FOXP2: variants seen among roughly 807,000 people sequenced by gnomAD.
FOXP2 encodes forkhead box protein P2.
A neutral mutation model predicts 115.8 loss-of-function variants in FOXP2; 12 were observed. That is an observed-to-expected ratio of 0.10 (90% CI 0.07 to 0.17). The LOEUF is 0.17. Among genes scored for constraint, FOXP2 ranks in the 10% least tolerant of loss-of-function variants. The pLI, the probability that FOXP2 is intolerant of heterozygous loss-of-function variation, is 1.00. For synonymous variants in FOXP2, 328 were observed against 297.7 expected (o/e 1.10, Z -1.05); for missense variants, 629 against 843.5 (o/e 0.75, Z 3.15).
intron 1 of FOXP2, among the ~76,000 whole-genome samples, chr7:114,121,852 T>C (rs1791576267): frequency 1.3e-5 from 2 of 152,132 alleles, no homozygotes; most frequent in African/African-American, 4.8e-5. Context: ...AATAGGTACA[T>C]GTTATTCAGA....
intron 3 of FOXP2, among the ~76,000 whole-genome samples, chr7:114,589,851 G>A (rs1460533000): frequency 6.6e-6 from 1 of 151,948 alleles, no homozygotes; most frequent in Non-Finnish European, 1.5e-5. Flanking sequence ...GTCAACTTAG[G>A]CCCTTCCATC....
chr7:114,291,655 C>A (rs976774758), intron 2 of FOXP2, among the ~76,000 whole-genome samples: 2 of 151,156 alleles, frequency 1.3e-5, no homozygotes, highest in Non-Finnish European at 2.9e-5. Flanking sequence ...TCCAAACTCA[C>A]GGGTTTTTGG....
At chr7:114,540,710 A>C (rs1799614546) in intron 3 of FOXP2, among the ~76,000 whole-genome samples, 1 of 152,122 alleles carries the variant, frequency 6.6e-6, no homozygotes, top group Non-Finnish European at 1.5e-5. Context: ...GTTGGGCTTA[A>C]AGAAAAGGAA....
At chr7:114,405,384 A>G (rs576828857) in intron 2 of FOXP2, among the ~76,000 whole-genome samples, 45 of 152,068 alleles carry the variant, frequency 3.0e-4, no homozygotes, top group African/African-American at 1.1e-3. Context: ...GAGTAAAACA[A>G]ATAGTAATAT....
chr7:114,363,319 G>A (rs1354312666), intron 2 of FOXP2, among the ~76,000 whole-genome samples: 1 of 152,036 alleles, frequency 6.6e-6, no homozygotes, highest in African/African-American at 2.4e-5. Flanking sequence ...AATTCTTATG[G>A]AAGCTCAGGG....
chr7:114,582,937 A>G (rs932072498), intron 3 of FOXP2, among the ~76,000 whole-genome samples: 1 of 152,232 alleles, frequency 6.6e-6, no homozygotes, highest in Admixed American at 6.5e-5. Flanking sequence ...AGATATGCCA[A>G]GATAACATCT....
chr7:114,148,847 C>T (rs149002829), intron 1 of FOXP2, among the ~76,000 whole-genome samples: 9 of 152,080 alleles, frequency 5.9e-5, no homozygotes, highest in Non-Finnish European at 8.8e-5. Flanking sequence ...GCTTCATCTC[C>T]GTTTCTACTG....
At chr7:114,263,007 C>A (rs1051065336) in intron 1 of FOXP2, among the ~76,000 whole-genome samples, 1 of 152,184 alleles carries the variant, frequency 6.6e-6, no homozygotes, top group African/African-American at 2.4e-5. Context: ...TCTTAGCTAA[C>A]CTTTTTCCTT....
intron 1 of FOXP2, among the ~76,000 whole-genome samples, chr7:114,248,764 T>C (rs1228360118): frequency 6.6e-6 from 1 of 152,200 alleles, no homozygotes; most frequent in Non-Finnish European, 1.5e-5. Flanking sequence ...AACACTTATT[T>C]TGTGCCAGGC....
chr7:114,188,157 TCATG>T (rs1247584932), intron 1 of FOXP2, among the ~76,000 whole-genome samples: 55 of 152,314 alleles, frequency 3.6e-4, no homozygotes, highest in African/African-American at 1.3e-3. Context: ...CAGAGCACAG[TCATG>T]GTGCTCTACT....
chr7:114,411,238 G>A (rs1310921154), upstream of FOXP2, among the ~76,000 whole-genome samples: 2 of 152,016 alleles, frequency 1.3e-5, no homozygotes, highest in Non-Finnish European at 2.9e-5. Context: ...GTATGTGAAT[G>A]TGCTTAGACT....
At chr7:114,398,270 A>G (rs904694988) in intron 2 of FOXP2, among the ~76,000 whole-genome samples, 3 of 152,180 alleles carry the variant, frequency 2.0e-5, no homozygotes, top group Admixed American at 6.5e-5. Flanking sequence ...CATCTAAAAT[A>G]TAACCAAAAT....
At chr7:114,133,264 TAGAG>T (rs941446763) in intron 1 of FOXP2, among the ~76,000 whole-genome samples, 3 of 152,154 alleles carry the variant, frequency 2.0e-5, no homozygotes, top group Non-Finnish European at 4.4e-5. Flanking sequence ...GGTAAGACCA[TAGAG>T]AGAACAGGTT....
At chr7:114,367,932 C>T (rs1476632381) in intron 2 of FOXP2, among the ~76,000 whole-genome samples, 2 of 152,004 alleles carry the variant, frequency 1.3e-5, no homozygotes, top group Non-Finnish European at 2.9e-5. Flanking sequence ...TTGGTATTGG[C>T]TTTGTACACT....
intron 2 of FOXP2, among the ~76,000 whole-genome samples, chr7:114,467,999 TG>T (rs1233077247): frequency 9.2e-5 from 14 of 152,316 alleles, no homozygotes; most frequent in African/African-American, 3.4e-4. Flanking sequence ...AGTCTACTGC[TG>T]TTCTTCTGCA....
chr7:114,615,048 G>A (rs558757327), intron 3 of FOXP2, among the ~76,000 whole-genome samples: 37 of 152,062 alleles, frequency 2.4e-4, no homozygotes, highest in African/African-American at 8.7e-4. Context: ...GTGAAACCCC[G>A]TCTCTACCAA....
In FOXP2 at chr7:114,340,313, C is replaced by T. The variant is rs533663998; in HGVS notation, c.-11+52204C>T. Reference sequence around the variant, plus strand: ...TGAGGGCATCTATGTGTTGCCATATCACCTGGAAAAAGTATGACTTATAAT... The same window carrying T: ...TGAGGGCATCTATGTGTTGCCATATTACCTGGAAAAAGTATGACTTATAAT... On this transcript the variant is annotated intron_variant, in intron 2 of 17. Coordinates refer to the FOXP2 transcript ENST00000634411. 3.3e-5 allele frequency among the ~76,000 whole-genome samples: 5 copies of T among 151,058 alleles called. No homozygotes were observed. The South Asian group carries it at 1.0e-3, about 31-fold the overall frequency.
intron 2 of FOXP2, among the ~76,000 whole-genome samples, chr7:114,386,613 G>C (rs1314017855): frequency 6.6e-6 from 1 of 152,156 alleles, no homozygotes; most frequent in Non-Finnish European, 1.5e-5. Context: ...TTTCACCTTT[G>C]AAGGTGTCAC....
intron 2 of FOXP2, among the ~76,000 whole-genome samples, chr7:114,374,425 C>A (rs146660973): frequency 6.6e-6 from 1 of 152,050 alleles, no homozygotes; most frequent in East Asian, 1.9e-4. Flanking sequence ...TTTTTATATT[C>A]CTTAAACAAA....
Sources: allele counts gnomAD v4.1 joint callset (sites outside exome capture counted in the v4.1 genomes callset), GRCh38; gene constraint gnomAD v4.1.1; transcripts MANE v1.5; gene names NCBI Gene and HGNC (gene_info 2026-07-23, HGNC 2026-07-21).